CD5: variants seen among roughly 807,000 people sequenced by gnomAD.
CD5 encodes the protein CD5 molecule.
In CD5, 36 loss-of-function variants were observed where a neutral mutation model predicts 60.3. The observed-to-expected ratio is 0.60, with a 90% CI of 0.46 to 0.79. The LOEUF is 0.79. CD5 is among the 30% of genes least tolerant of loss of function. The pLI is 0.00. For missense variants in CD5, 540 were observed against 630.6 expected (o/e 0.86, Z 1.54); for synonymous variants, 230 against 257.6 (o/e 0.89, Z 1.03).
Position 61,120,433 on chromosome 11 carries a change from T to C in CD5, c.805+858T>C, listed in dbSNP as rs138073205. Among the ~76,000 whole-genome samples the C allele has an allele frequency of 2.0e-3, 300 of 152,266 alleles. 1 individual carries two copies. The highest frequency in any genetic ancestry group is 6.9e-3 in the African/African-American group (287 of 41,542). ...GGGTGTTATTATTATCATCCCTTTT[T>C]ACAGTGAGGAGGCTGAGGTTTAGAG... On this transcript the variant is annotated intron_variant, in intron 5 of 10. Transcript: ENST00000347785.
intron 1 of CD5, 26 bp downstream of exon 1, chr11:61,102,641 C>A (rs186074677): frequency 6.4e-7 from 1 of 1,562,618 alleles, no homozygotes; most frequent in Non-Finnish European, 8.7e-7. Flanking sequence ...AGGTGTCCTG[C>A]GAACACCCGG....
intron 5 of CD5, among the ~76,000 whole-genome samples, chr11:61,120,713 A>C (rs530144778): frequency 6.6e-6 from 1 of 152,304 alleles, no homozygotes; most frequent in South Asian, 2.1e-4. Context: ...TCCTGCAAGC[A>C]CGCTGGGTAC....
chr11:61,113,636 T>C (rs1436387156), intron 1 of CD5, among the ~76,000 whole-genome samples: 2 of 152,172 alleles, frequency 1.3e-5, no homozygotes. Context: ...GCAAATGTTC[T>C]CTTGGTTCCC....
At chr11:61,125,529 T>C (rs1565188101) in intron 9 of CD5, among the ~76,000 whole-genome samples, 1 of 152,160 alleles carries the variant, frequency 6.6e-6, no homozygotes, top group Non-Finnish European at 1.5e-5. Flanking sequence ...AGGAGCGCTG[T>C]ACTAAAGGCT....
chr11:61,124,513 GTC>G lies in CD5; in HGVS notation c.1280-517_1280-516del, dbSNP rs539487251. 3.7e-3 allele frequency among the ~76,000 whole-genome samples: 558 copies of G among 152,110 alleles called. 4 individuals carry two copies. Among genetic ancestry groups the G allele is most frequent in the African/African-American group, 0.013 (523 of 41,488 alleles). The stretch of plus-strand genomic sequence containing the variant: ...TGCAGCCAGCCCAACACCATCCCTG[GTC>G]TTCATCCTCCCTCCTTCCAGCCACA... On this transcript the variant is annotated intron_variant, in intron 8 of 10. Coordinates refer to ENST00000347785, the MANE Select transcript of CD5 (RefSeq NM_014207.4).
At chr11:61,116,549 ACAC>A (rs1860954216) in intron 2 of CD5, among the ~76,000 whole-genome samples, 1 of 109,284 alleles carries the variant, frequency 9.2e-6, no homozygotes, top group East Asian at 2.9e-4. Context: ...CCACACACAC[ACAC>A]CACACACACC....
intron 1 of CD5, 26 bp downstream of exon 1, chr11:61,102,641 C>CA: frequency 6.4e-7 from 1 of 1,562,618 alleles, no homozygotes; most frequent in African/African-American, 1.4e-5. Context: ...AGGTGTCCTG[C>CA]GAACACCCGG....
At position 61,120,886 on chromosome 11, in the gene CD5, G is replaced by A. The variant is rs142037316; in HGVS notation, c.806-725G>A. ...CTGTAAAACCATACCCAGGGTTCTT[G>A]CCTTTGAAGCTTCTTCTAAATAGAT... is the stretch of plus-strand genomic sequence containing the variant. On this transcript the variant is annotated intron_variant, in intron 5 of 10. Coordinates refer to ENST00000347785, the MANE Select transcript of CD5 (RefSeq NM_014207.4). Among the ~76,000 whole-genome samples, 512 of 152,336 alleles carry A rather than the reference G, an allele frequency of 3.4e-3. 3 individuals are homozygous for A. Among genetic ancestry groups the A allele is most frequent in the African/African-American group, 0.012 (490 of 41,572 alleles).
chr11:61,101,898 A>ATC (rs1001155071), upstream of CD5, among the ~76,000 whole-genome samples: 41 of 142,744 alleles, frequency 2.9e-4, no homozygotes, highest in African/African-American at 1.0e-3. Context: ...CAACATGGAG[A>ATC]TCTCTCTCTC....
intron 5 of CD5, among the ~76,000 whole-genome samples, chr11:61,120,847 C>T (rs1286407505): frequency 1.3e-5 from 2 of 152,218 alleles, no homozygotes; most frequent in Admixed American, 6.5e-5. Flanking sequence ...ACTATCCTTC[C>T]TGCAGGCTAC....
intron 8 of CD5, among the ~76,000 whole-genome samples, chr11:61,124,244 G>T (rs532989710): frequency 2.6e-5 from 4 of 152,248 alleles, no homozygotes; most frequent in African/African-American, 9.6e-5. Context: ...ACCTCCTCCA[G>T]CAGTATTCCC....
intron 7 of CD5, 23 bp downstream of exon 7, chr11:61,123,055 G>A: frequency 6.3e-7 from 1 of 1,589,682 alleles, no homozygotes; most frequent in South Asian, 1.1e-5. Flanking sequence ...GCCCTGAGTG[G>A]CTCCGTTCCC....
Position 61,119,441 on chromosome 11 carries a change from C to T in CD5, c.671C>T (p.Pro224Leu), listed in dbSNP as rs2241002. ...PETEAGRAQDPGEPREHQPLP... is the reference protein window; with the variant it reads ...PETEAGRAQDLGEPREHQPLP... ...ACTGAGGCAGGCAGAGCCCAAGACC[C>T]AGGGGAGCCACGGGAACACCAGCCC... The change falls in exon 5 of 11, where the codon CCA (proline) becomes CTA (leucine). Residue 224 changes from proline (P) to leucine (L), a missense_variant. Coordinates refer to ENST00000347785, the MANE Select transcript of CD5 (RefSeq NM_014207.4). 0.17 allele frequency: 278,945 copies of T among 1,613,996 alleles called. 25,825 individuals are homozygous for T. The highest frequency in any genetic ancestry group is 0.28 in the African/African-American group (20,756 of 74,992).
intron 1 of CD5, among the ~76,000 whole-genome samples, chr11:61,102,872 T>C (rs777883327): frequency 6.6e-6 from 1 of 152,198 alleles, no homozygotes; most frequent in African/African-American, 2.4e-5. Context: ...ACCCTTCCAG[T>C]GCAAGAGAGA....
At chr11:61,104,513 T>C (rs954339042) in intron 1 of CD5, among the ~76,000 whole-genome samples, 2 of 152,052 alleles carry the variant, frequency 1.3e-5, no homozygotes, top group African/African-American at 4.8e-5. Flanking sequence ...CTGAATCCCA[T>C]CATGGGTGAG....
upstream of CD5, chr11:61,102,311 G>A: frequency 5.4e-6 from 3 of 559,578 alleles, no homozygotes; most frequent in Non-Finnish European, 9.6e-6. Flanking sequence ...CCAGCCCTGG[G>A]TACCTTGGGC....
At chr11:61,107,138 G>A (rs530228823) in intron 1 of CD5, among the ~76,000 whole-genome samples, 1 of 152,270 alleles carries the variant, frequency 6.6e-6, no homozygotes, top group African/African-American at 2.4e-5. Flanking sequence ...CCTTGGTGGG[G>A]TGTGAGGTAC....
chr11:61,101,143 T>TAC (rs1860676519), upstream of CD5, among the ~76,000 whole-genome samples: 2 of 66,752 alleles, frequency 3.0e-5, no homozygotes, highest in Admixed American at 2.0e-4. Flanking sequence ...ACATGGAGAT[T>TAC]ACACACACAT....
upstream of CD5, among the ~76,000 whole-genome samples, chr11:61,101,487 T>C (rs1294835797): frequency 7.2e-6 from 1 of 139,840 alleles, no homozygotes; most frequent in Non-Finnish European, 1.5e-5. Flanking sequence ...ATATATCAAA[T>C]GGGGATTACA....
Sources: gnomAD v4.1 joint callset for allele counts (sites outside exome capture counted in the v4.1 genomes callset) on GRCh38, gnomAD v4.1.1 for gene constraint, MANE v1.5 for transcripts, NCBI Gene and HGNC (gene_info 2026-07-23, HGNC 2026-07-21) for gene names.